NPAS3: variants seen among roughly 807,000 people sequenced by gnomAD.
NPAS3 encodes neuronal PAS domain protein 3.
Under a neutral mutation model 73.1 loss-of-function variants are expected in NPAS3, and 14 were observed. That is an observed-to-expected ratio of 0.19 (90% CI 0.13 to 0.30). The LOEUF (loss-of-function observed/expected upper bound fraction) is 0.30. Among genes scored for constraint, NPAS3 ranks in the 10% least tolerant of loss-of-function variants. The pLI, the probability that NPAS3 is intolerant of heterozygous loss-of-function variation, is 1.00. For missense variants in NPAS3, 1,096 were observed against 1,250.0 expected (o/e 0.88, Z 1.86); for synonymous variants, 620 against 541.5 (o/e 1.14, Z -2.01).
intron 5 of NPAS3, among the ~76,000 whole-genome samples, chr14:33,623,361 A>G (rs1032611437): frequency 6.6e-5 from 10 of 152,172 alleles, no homozygotes; most frequent in African/African-American, 1.7e-4. Context: ...AAAGTGAATG[A>G]CAACTCAGGC....
At chr14:33,603,701 G>T (rs1394838784) in intron 5 of NPAS3, among the ~76,000 whole-genome samples, 1 of 152,128 alleles carries the variant, frequency 6.6e-6, no homozygotes, top group Non-Finnish European at 1.5e-5. Flanking sequence ...TATGCCAAAT[G>T]ACATGATACT....
intron 4 of NPAS3, among the ~76,000 whole-genome samples, chr14:33,458,882 G>A (rs772165197): frequency 5.9e-5 from 9 of 152,102 alleles, no homozygotes; most frequent in African/African-American, 1.9e-4. Context: ...CTTGGATCTC[G>A]CACAAGAAAT....
upstream of NPAS3, among the ~76,000 whole-genome samples, chr14:32,938,109 T>C (rs964401104): frequency 6.6e-6 from 1 of 152,030 alleles, no homozygotes; most frequent in Non-Finnish European, 1.5e-5. Context: ...CTGTGAACCC[T>C]GGGGTCTGCA....
At chr14:33,283,899 T>A (rs2041740222) in intron 3 of NPAS3, among the ~76,000 whole-genome samples, 2 of 152,178 alleles carry the variant, frequency 1.3e-5, no homozygotes, top group Non-Finnish European at 2.9e-5. Flanking sequence ...CTTTAAGTCA[T>A]GGATCCCGTA....
At chr14:33,097,042 T>C (rs2042440588) in intron 2 of NPAS3, among the ~76,000 whole-genome samples, 1 of 149,106 alleles carries the variant, frequency 6.7e-6, no homozygotes, top group South Asian at 2.1e-4. Flanking sequence ...ATGGAAGACA[T>C]TCTTGTTGCC....
intron 5 of NPAS3, among the ~76,000 whole-genome samples, chr14:33,561,038 A>G (rs6571605): frequency 0.82 from 125,258 of 152,214 alleles, 51,643 homozygotes; most frequent in Admixed American, 0.84. Flanking sequence ...GACCCCTTTC[A>G]TCTGGTAGTT....
At chr14:33,094,202 C>G (rs2042327990) in intron 2 of NPAS3, among the ~76,000 whole-genome samples, 1 of 151,954 alleles carries the variant, frequency 6.6e-6, no homozygotes, top group Non-Finnish European at 1.5e-5. Flanking sequence ...TATTTATTTT[C>G]ATCTATTCAG....
At chr14:33,557,761 A>G (rs1463671515) in intron 4 of NPAS3, among the ~76,000 whole-genome samples, 1 of 152,208 alleles carries the variant, frequency 6.6e-6, no homozygotes, top group Non-Finnish European at 1.5e-5. Flanking sequence ...CGAGGTCAGG[A>G]GATCAAGGCC....
At chr14:33,095,762 G>T (rs1400569894) in intron 2 of NPAS3, among the ~76,000 whole-genome samples, 2 of 144,280 alleles carry the variant, frequency 1.4e-5, no homozygotes, top group Admixed American at 7.4e-5. Flanking sequence ...TCCGCCTCCC[G>T]GGTTCACGCC....
intron 3 of NPAS3, among the ~76,000 whole-genome samples, chr14:33,313,248 A>C (rs117201081): frequency 0.022 from 3,299 of 152,190 alleles, 73 homozygotes; most frequent in Non-Finnish European, 0.033. Context: ...TCTTGACTGG[A>C]GAAACTCTGA....
chr14:33,741,510 T>C (rs1247342099), intron 7 of NPAS3, among the ~76,000 whole-genome samples: 1 of 152,188 alleles, frequency 6.6e-6, no homozygotes, highest in Non-Finnish European at 1.5e-5. Context: ...TTAAATCCTT[T>C]TACCTCGTTT....
intron 5 of NPAS3, among the ~76,000 whole-genome samples, chr14:33,641,537 T>A (rs1017677810): frequency 2.6e-5 from 4 of 152,124 alleles, no homozygotes; most frequent in Admixed American, 2.6e-4. Context: ...TAGGGGGTGA[T>A]TCTTTTGACT....
intron 5 of NPAS3, among the ~76,000 whole-genome samples, chr14:33,581,408 T>A (rs2056657019): frequency 6.6e-6 from 1 of 152,164 alleles, no homozygotes; most frequent in Non-Finnish European, 1.5e-5. Flanking sequence ...AACAAAAATT[T>A]GAACACTGTA....
chr14:33,002,459 T>C (rs1052422743), intron 1 of NPAS3, among the ~76,000 whole-genome samples: 16 of 152,302 alleles, frequency 1.1e-4, no homozygotes, highest in African/African-American at 3.1e-4. Context: ...TATGGTTGTT[T>C]GTAGGATCCT....
chr14:32,946,028 A>G (rs1487402328), intron 1 of NPAS3, among the ~76,000 whole-genome samples: 1 of 152,120 alleles, frequency 6.6e-6, no homozygotes, highest in African/African-American at 2.4e-5. Context: ...TTATTTTGTG[A>G]TAGTTTTGCC....
intron 4 of NPAS3, among the ~76,000 whole-genome samples, chr14:33,469,727 C>T (rs1041106797): frequency 7.9e-5 from 12 of 152,110 alleles, no homozygotes; most frequent in Non-Finnish European, 1.2e-4. Context: ...ACACTCTCTT[C>T]TTAATTTGAC....
chr14:33,639,373 T>TA (rs909943195), intron 5 of NPAS3, among the ~76,000 whole-genome samples: 71 of 151,390 alleles, frequency 4.7e-4, no homozygotes, highest in African/African-American at 1.6e-3. Flanking sequence ...TGAAACAATC[T>TA]AAAAAAAAAT....
intron 2 of NPAS3, among the ~76,000 whole-genome samples, chr14:33,180,592 G>T (rs536346250): frequency 6.6e-6 from 1 of 152,150 alleles, no homozygotes; most frequent in East Asian, 1.9e-4. Context: ...GAGGTCAGGA[G>T]ATCGAGACCA....
chr14:33,371,565 T>C (rs1293084686), intron 4 of NPAS3, among the ~76,000 whole-genome samples: 1 of 152,190 alleles, frequency 6.6e-6, no homozygotes, highest in Non-Finnish European at 1.5e-5. Context: ...GTTTTCATTA[T>C]TATTAATGGC....
Sources: gnomAD v4.1 joint callset for allele counts (sites outside exome capture counted in the v4.1 genomes callset) on GRCh38, gnomAD v4.1.1 for gene constraint, MANE v1.5 for transcripts, NCBI Gene and HGNC (gene_info 2026-07-23, HGNC 2026-07-21) for gene names.